The following FAHD2A variants were observed in gnomAD, a reference collection of about 807,000 sequenced individuals.
FAHD2A encodes oxaloacetate tautomerase FAHD2A, mitochondrial.
A neutral mutation model predicts 33.4 loss-of-function variants in FAHD2A; 27 were observed. The observed-to-expected ratio is 0.81, with a 90% CI of 0.60 to 1.11. The LOEUF (loss-of-function observed/expected upper bound fraction) is 1.11. FAHD2A is among the 50% of genes most tolerant of loss of function. The pLI is 0.00. For synonymous variants in FAHD2A, 130 were observed against 153.3 expected (o/e 0.85, Z 1.12); for missense variants, 296 against 395.0 (o/e 0.75, Z 2.12).
At chr2:95,416,821 G>A (rs1683200676), downstream of FAHD2A, among the ~76,000 whole-genome samples, 1 of 152,126 alleles carries the variant, frequency 6.6e-6, no homozygotes, top group Non-Finnish European at 1.5e-5. Context: ...CCACACAAAG[G>A]CTTGGATTTC....
chr2:95,403,551 T>G (rs1472682139), intron 1 of FAHD2A, among the ~76,000 whole-genome samples: 1 of 152,202 alleles, frequency 6.6e-6, no homozygotes, highest in Non-Finnish European at 1.5e-5. Flanking sequence ...TTTGGAGGAT[T>G]TCCTATGGAA....
chr2:95,418,638 C>A (rs1032126279), downstream of FAHD2A, among the ~76,000 whole-genome samples: 1 of 151,942 alleles, frequency 6.6e-6, no homozygotes, highest in Non-Finnish European at 1.5e-5. Flanking sequence ...GCATTCATGA[C>A]AAACACTGCA....
rs1304037407 is a variant in FAHD2A at position 95,414,381 on chromosome 2, A to AG, written c.*1424_*1425insG. 1.5e-6 allele frequency: 1 copy of AG among 665,232 alleles called. No individual in the cohort carries two copies. Among genetic ancestry groups the AG allele is most frequent in the Admixed American group, 2.3e-5 (1 of 44,146 alleles). 41.2% of individuals were successfully genotyped at this position (665,232 alleles called of 1,614,324 possible). On this transcript the variant is annotated 3_prime_UTR_variant, in exon 8 of 8. Coordinates refer to ENST00000233379, the MANE Select transcript of FAHD2A (RefSeq NM_016044.3). The stretch of plus-strand genomic sequence containing the variant: ...AGTATGAAGATGTGGAGCTGGGAAA[A>AG]CAGAGGATGTGGTGGGATGGGGAAG...
At chr2:95,406,887 G>A (rs1681655380) in intron 2 of FAHD2A, 54 bp from the exon 3 acceptor site, 18 of 1,529,970 alleles carry the variant, frequency 1.2e-5, no homozygotes, top group Middle Eastern at 1.8e-4. Context: ...CAGCCTGCCC[G>A]GGATTGCCCA....
rs374653657 is a variant in FAHD2A at position 95,407,048 on chromosome 2, A to G, written c.353A>G (p.His118Arg). The change falls in exon 3 of 8, where the codon CAC (histidine) becomes CGC (arginine). Residue 118 changes from histidine (H) to arginine (R), a missense_variant. His to Arg is a conservative substitution (Grantham distance 29). Transcript: ENST00000233379. Reference protein sequence around the residue: ...VVCVGMNYVDHCKEQNVPVPK... With the variant: ...VVCVGMNYVDRCKEQNVPVPK... ...TGTGTGGGCATGAATTATGTGGACC[A>G]CTGCAAAGAACAGAACGTGCCCGTG... 3.7e-6 allele frequency: 6 copies of G among 1,613,618 alleles called. No individual in the cohort carries two copies. In the African/African-American group the frequency reaches 4.0e-5, roughly 11 times the overall value.
chr2:95,412,615 T>C (rs1682721446), intron 6 of FAHD2A, 62 bp from the exon 7 acceptor site: 4 of 1,613,616 alleles, frequency 2.5e-6, no homozygotes, highest in Middle Eastern at 1.7e-4. Flanking sequence ...GAGCCCTCCA[T>C]CTTTGGCTGT....
chr2:95,411,596 C>T (rs1439403206), intron 5 of FAHD2A, among the ~76,000 whole-genome samples: 1 of 152,230 alleles, frequency 6.6e-6, no homozygotes, highest in African/African-American at 2.4e-5. Flanking sequence ...CTCAGCACCC[C>T]ATGCAGAGTC....
In FAHD2A at chr2:95,405,733, G is replaced by C. The variant is rs1303917262; in HGVS notation, c.175G>C (p.Asp59His). The C allele has an allele frequency of 1.9e-6, 3 of 1,613,978 alleles. No individual in the cohort carries two copies. In the South Asian group the frequency reaches 3.3e-5, roughly 18 times the overall value. ...GGGVINLNAFDPTLPKTMTQF... is the reference protein window; with the variant it reads ...GGGVINLNAFHPTLPKTMTQF... ...AGGGGTTATCAACCTCAATGCCTTT[G>C]ACCCCACACTCCCGAAGACGATGAC... The change falls in exon 2 of 8, where the codon GAC becomes CAC. Residue 59 changes from aspartate to histidine, a missense_variant. Physicochemically the swap from Asp to His is moderately conservative, Grantham distance 81. Coordinates refer to ENST00000233379, the MANE Select transcript of FAHD2A (RefSeq NM_016044.3).
Position 95,410,716 on chromosome 2 carries a change from C to T in FAHD2A, c.522+130C>T. On this transcript the variant is annotated intron_variant, in intron 4 of 7. Transcript: ENST00000233379. ...CTGACACTAGGAAGCAGTCAGCCTC[C>T]TTGCTCCCTGACACTGCCTTTCCCT... is the stretch of plus-strand genomic sequence containing the variant. The T allele has an allele frequency of 1.9e-6, 3 of 1,541,124 alleles. No individual in the cohort carries two copies. In the South Asian group the frequency reaches 3.7e-5, roughly 19 times the overall value.
intron 6 of FAHD2A, 50 bp from the exon 7 acceptor site, chr2:95,412,627 G>A: frequency 6.2e-7 from 1 of 1,613,550 alleles, no homozygotes; most frequent in Non-Finnish European, 8.5e-7. Context: ...TTTGGCTGTG[G>A]CCACCTCAGC....
downstream of FAHD2A, among the ~76,000 whole-genome samples, chr2:95,417,837 C>T (rs563189571): frequency 1.3e-5 from 2 of 152,188 alleles, no homozygotes; most frequent in Admixed American, 1.3e-4. Flanking sequence ...CATGAGGGCT[C>T]CATCCCCATG....
intron 1 of FAHD2A, among the ~76,000 whole-genome samples, chr2:95,404,231 CAA>C (rs1681162746): frequency 6.6e-6 from 1 of 151,998 alleles, no homozygotes; most frequent in Admixed American, 6.6e-5. Context: ...AAGAACAAAA[CAA>C]GAGAATAGTG....
Position 95,406,991 on chromosome 2 carries a change from T to G in FAHD2A, c.296T>G (p.Leu99Arg), listed in dbSNP as rs768873738. The G allele has an allele frequency of 5.0e-6, 8 of 1,614,000 alleles. No homozygotes were observed. The highest frequency in any genetic ancestry group is 1.7e-4 in the Middle Eastern group (1 of 6,052). ...CTACCACGGTCGGAGGTAACCTTCC[T>G]GGCTCCAGTCACACGACCAGATAAG... ...PVLPRSEVTFLAPVTRPDKVV... is the reference protein window; with the variant it reads ...PVLPRSEVTFRAPVTRPDKVV... Residue 99 changes from leucine (L) to arginine (R), a missense_variant, in exon 3 of 8, where the codon CTG becomes CGG. Coordinates refer to ENST00000233379, the MANE Select transcript of FAHD2A (RefSeq NM_016044.3).
At chr2:95,403,516 A>G (rs1218247089) in intron 1 of FAHD2A, among the ~76,000 whole-genome samples, 1 of 152,152 alleles carries the variant, frequency 6.6e-6, no homozygotes, top group African/African-American at 2.4e-5. Context: ...GGAGGTCCCT[A>G]CTTCTCACTA....
At chr2:95,412,356 C>G in intron 5 of FAHD2A, 78 bp from the exon 6 acceptor site, 1 of 1,571,720 alleles carries the variant, frequency 6.4e-7, no homozygotes, top group Non-Finnish European at 8.7e-7. Flanking sequence ...CGAAGCACCC[C>G]TACAGTTGTG....
intron 1 of FAHD2A, chr2:95,405,302 C>G: frequency 6.4e-6 from 3 of 465,628 alleles, no homozygotes; most frequent in Non-Finnish European, 1.1e-5. Flanking sequence ...TGGGAACTTT[C>G]AGAAAGCACT....
downstream of FAHD2A, among the ~76,000 whole-genome samples, chr2:95,421,064 T>A (rs1232660100): frequency 9.8e-5 from 14 of 143,040 alleles, no homozygotes; most frequent in Admixed American, 6.8e-5. Flanking sequence ...GGATGTCATC[T>A]ACACATTTCT....
chr2:95,408,521 C>A (rs1415172071), intron 3 of FAHD2A, among the ~76,000 whole-genome samples: 1 of 152,168 alleles, frequency 6.6e-6, no homozygotes, highest in Non-Finnish European at 1.5e-5. Flanking sequence ...ACAATCATGG[C>A]AGAAGGCAAG....
chr2:95,410,632 C>T, intron 4 of FAHD2A, 46 bp downstream of exon 4: 3 of 1,606,042 alleles, frequency 1.9e-6, no homozygotes, highest in Non-Finnish European at 2.6e-6. Context: ...CAGCAGAGGC[C>T]CCAGCTCCTG....
Sources: gnomAD v4.1 joint callset for allele counts (sites outside exome capture counted in the v4.1 genomes callset) on GRCh38, gnomAD v4.1.1 for gene constraint, MANE v1.5 for transcripts, NCBI Gene and HGNC (gene_info 2026-07-23, HGNC 2026-07-21) for gene names.